The following DIS3 variants were observed in gnomAD, a reference collection of about 807,000 sequenced individuals.
DIS3 encodes the protein exosome complex exonuclease RRP44.
In DIS3, 103 loss-of-function variants were observed where a neutral mutation model predicts 113.0. The observed-to-expected ratio is 0.91, with a 90% CI of 0.78 to 1.07. The LOEUF (loss-of-function observed/expected upper bound fraction) is 1.07, where lower values mean the gene tolerates loss of function less well. Ranked by LOEUF, DIS3 falls within the 50% of genes least tolerant of loss-of-function variation. The pLI, the probability that DIS3 is intolerant of heterozygous loss-of-function variation, is 0.00. For synonymous variants in DIS3, 402 were observed against 394.3 expected, an observed-to-expected ratio of 1.02 and a Z score of -0.23; for missense variants, 1,121 against 1,167.1, an observed-to-expected ratio of 0.96 and a Z score of 0.58.
At chr13:72,770,804 T>TATATATACAC in intron 13 of DIS3, 100 bp downstream of exon 13, 1 of 590,698 alleles carries the variant, frequency 1.7e-6, no homozygotes, top group Non-Finnish European at 2.8e-6. Context: ...TATATATGTG[T>TATATATACAC]ATATATACGT....
At position 72,761,632 on chromosome 13, in the gene DIS3, C is replaced by A; in HGVS notation, c.2511+14G>T. The A allele has an allele frequency of 6.4e-7, 1 of 1,569,604 alleles. No homozygotes were observed. The highest frequency in any genetic ancestry group is 8.6e-7 in the Non-Finnish European group (1 of 1,164,536). On this transcript the variant is annotated intron_variant, in intron 18 of 20. Transcript: ENST00000377767. ...ACTTCATTTTTTCTAGCAGTATCGA[C>A]AAAAGGCAAATACCTGGGTATGAAA...
chr13:72,776,140 A>G, intron 4 of DIS3, 48 bp from the exon 5 acceptor site: 1 of 1,522,832 alleles, frequency 6.6e-7, no homozygotes, highest in Non-Finnish European at 8.8e-7. Flanking sequence ...TCTTCTGTTC[A>G]CTCAATACAC....
In DIS3 at chr13:72,781,879, A is replaced by C; in HGVS notation, c.-47T>G. 6.8e-7 allele frequency: 1 copy of C among 1,471,602 alleles called. No homozygotes were observed. The highest frequency in any genetic ancestry group is 9.1e-7 in the Non-Finnish European group (1 of 1,100,486). The allele number at this position is 1,471,602 out of a possible 1,614,324, so 91.2% of individuals were successfully genotyped here. A position where few individuals can be genotyped will look rare whatever the true frequency, so the allele number is the denominator to read the frequency against. On this transcript the variant is annotated 5_prime_UTR_variant, in exon 1 of 21. Transcript: ENST00000377767. ...CTAACCCCAGCAGCGCTCTTCCAGCAAAAGGCGTCAATCTAGAATACGCCT... is the reference window on the plus strand; with the variant it reads ...CTAACCCCAGCAGCGCTCTTCCAGCCAAAGGCGTCAATCTAGAATACGCCT...
intron 5 of DIS3, 54 bp downstream of exon 5, chr13:72,775,869 AAT>A: frequency 7.2e-7 from 1 of 1,387,646 alleles, no homozygotes; most frequent in South Asian, 1.4e-5. Context: ...AAGTGTTCAT[AAT>A]ATATAAAATA....
intron 20 of DIS3, 81 bp from the exon 21 acceptor site, chr13:72,759,959 C>A: frequency 2.7e-6 from 3 of 1,122,930 alleles, no homozygotes; most frequent in South Asian, 1.4e-5. Context: ...TTCCCCACTG[C>A]CAGCTTCAAA....
chr13:72,761,148 A>T (rs967903803), intron 19 of DIS3, among the ~76,000 whole-genome samples: 2 of 152,232 alleles, frequency 1.3e-5, no homozygotes, highest in African/African-American at 4.8e-5. Flanking sequence ...CAAAGACAAC[A>T]ATTGCATATG....
intron 15 of DIS3, among the ~76,000 whole-genome samples, chr13:72,764,743 C>A (rs2033706869): frequency 6.6e-6 from 1 of 152,106 alleles, no homozygotes; most frequent in Non-Finnish European, 1.5e-5. Context: ...GACAATATTT[C>A]TAAAGTATAT....
At chr13:72,781,164 A>G in intron 1 of DIS3, 161 bp from the exon 2 acceptor site, 1 of 1,379,356 alleles carries the variant, frequency 7.2e-7, no homozygotes, top group Admixed American at 2.0e-5. Context: ...GACAATAGTC[A>G]CTAAACCCTT....
At chr13:72,777,622 CTG>C (rs1267501024) in intron 3 of DIS3, 129 bp from the exon 4 acceptor site, 5 of 790,572 alleles carry the variant, frequency 6.3e-6, no homozygotes, top group Non-Finnish European at 6.3e-6. Flanking sequence ...GAGTCTCACT[CTG>C]TCTCTCAGGC....
chr13:72,770,879 A>C, intron 13 of DIS3, 25 bp downstream of exon 13: 10 of 1,504,922 alleles, frequency 6.6e-6, no homozygotes, highest in Non-Finnish European at 8.9e-6. Flanking sequence ...TTTAAAAATT[A>C]GAGATTAATA....
In DIS3 at chr13:72,755,385, G is replaced by T. The variant is rs1445826295; in HGVS notation, c.*4410C>A. 2 of 533,734 alleles carry T rather than the reference G, an allele frequency of 3.7e-6. No individual in the cohort carries two copies. The highest frequency in any genetic ancestry group is 6.6e-6 in the Non-Finnish European group (2 of 304,110). The allele number at this position is 533,734 out of a possible 1,614,324, so 33.1% of individuals were successfully genotyped here. On this transcript the variant is annotated 3_prime_UTR_variant, in exon 21 of 21. Transcript: ENST00000377767. ...TTACTGACATAGGAACAACAGAAAT[G>T]CTCCTGGAACTTCAAGTTGCTGAAT...
chr13:72,775,663 C>G (rs563572486), intron 5 of DIS3, among the ~76,000 whole-genome samples: 1 of 152,052 alleles, frequency 6.6e-6, no homozygotes, highest in East Asian at 1.9e-4. Flanking sequence ...CTCTAAATCT[C>G]AAGTCCTGAT....
At chr13:72,774,156 T>C (rs190147352) in intron 6 of DIS3, 97 bp from the exon 7 acceptor site, 3 of 696,124 alleles carry the variant, frequency 4.3e-6, no homozygotes, top group East Asian at 5.5e-5. Flanking sequence ...TACTAATCCA[T>C]TCAGGCAGTA....
intron 15 of DIS3, among the ~76,000 whole-genome samples, chr13:72,764,903 C>T (rs1358277905): frequency 6.6e-6 from 1 of 152,062 alleles, no homozygotes; most frequent in Non-Finnish European, 1.5e-5. Flanking sequence ...TAGTACTGGG[C>T]TCATTATTAG....
At chr13:72,777,531 T>C (rs750833438) in intron 3 of DIS3, 38 bp from the exon 4 acceptor site, 2 of 1,582,558 alleles carry the variant, frequency 1.3e-6, no homozygotes, top group Non-Finnish European at 1.7e-6. Context: ...GATAAGTGTT[T>C]TTTCCTTAGA....
chr13:72,775,792 G>T, intron 5 of DIS3, 133 bp downstream of exon 5: 2 of 781,584 alleles, frequency 2.6e-6, no homozygotes, highest in Non-Finnish European at 3.7e-6. Flanking sequence ...AAAAAAAAAA[G>T]AAAAAAGTTA....
intron 11 of DIS3, 116 bp from the exon 12 acceptor site, chr13:72,771,261 T>C: frequency 3.7e-6 from 3 of 812,796 alleles, no homozygotes; most frequent in Non-Finnish European, 5.8e-6. Context: ...TTCTGCTTTT[T>C]GTAAATAGGA....
chr13:72,781,515 C>G, intron 1 of DIS3, 90 bp downstream of exon 1: 1 of 1,442,488 alleles, frequency 6.9e-7, no homozygotes, highest in Non-Finnish European at 9.2e-7. Context: ...GTGACACTGC[C>G]AAAGACCCGC....
In DIS3 at chr13:72,774,063, A is replaced by C. The variant is rs2033951011; in HGVS notation, c.988-4T>G. 6.4e-7 allele frequency: 1 copy of C among 1,567,660 alleles called. No individual in the cohort carries two copies. Among genetic ancestry groups the C allele is most frequent in the African/African-American group, 1.4e-5 (1 of 72,388 alleles). ...TCTCGCTTACAGCAGTCTTAAGCTG[A>C]GATATAAAAATTAAAATGTTCAGTT... is the stretch of plus-strand genomic sequence containing the variant. On this transcript the variant is annotated splice_region_variant and splice_polypyrimidine_tract_variant and intron_variant, in intron 6 of 20. Transcript: ENST00000377767.
Sources: gnomAD v4.1 joint callset for allele counts (sites outside exome capture counted in the v4.1 genomes callset) on GRCh38, gnomAD v4.1.1 for gene constraint, MANE v1.5 for transcripts, NCBI Gene and HGNC (gene_info 2026-07-23, HGNC 2026-07-21) for gene names.